Variants in FLRT2 observed in about 807,000 individuals in gnomAD.
FLRT2 encodes leucine-rich repeat transmembrane protein FLRT2.
A neutral mutation model predicts 40.0 loss-of-function variants in FLRT2; 15 were observed. The ratio of observed to expected loss-of-function variants is 0.38; its 90% CI spans 0.25 to 0.58. FLRT2 has a LOEUF of 0.58. Ranked by LOEUF, FLRT2 falls within the 20% of genes least tolerant of loss-of-function variation. The pLI, the probability that FLRT2 is intolerant of heterozygous loss-of-function variation, is 0.71. For missense variants in FLRT2, 726 were observed against 840.0 expected, an observed-to-expected ratio of 0.86 and a Z score of 1.68; for synonymous variants, 380 against 336.8, an observed-to-expected ratio of 1.13 and a Z score of -1.41.
At chr14:85,553,144 A>G (rs543131719) in intron 1 of FLRT2, among the ~76,000 whole-genome samples, 8 of 152,328 alleles carry the variant, frequency 5.3e-5, no homozygotes, top group Admixed American at 4.6e-4. Flanking sequence ...GAATATCTGC[A>G]TTAGTTATTG....
chr14:85,565,650 A>G (rs1209159425), intron 1 of FLRT2, among the ~76,000 whole-genome samples: 1 of 152,176 alleles, frequency 6.6e-6, no homozygotes, highest in African/African-American at 2.4e-5. Context: ...TTGGTTTTAA[A>G]ATACACATCG....
intron 1 of FLRT2, among the ~76,000 whole-genome samples, chr14:85,614,209 G>C (rs1455675605): frequency 6.6e-6 from 1 of 152,140 alleles, no homozygotes; most frequent in Admixed American, 6.5e-5. Flanking sequence ...TGGAAAAGCT[G>C]TTCAGGTCCT....
In FLRT2 at chr14:85,653,874, A is replaced by G. The variant is rs919261772; in HGVS notation, c.*30377A>G. The G allele has an allele frequency of 3.9e-5, 6 of 152,216 alleles. No individual in the cohort carries two copies. Among genetic ancestry groups the G allele is most frequent in the African/African-American group, 1.4e-4 (6 of 41,460 alleles). The allele number at this position is 152,216 out of a possible 1,614,324, so 9.4% of individuals were successfully genotyped here. A position where few individuals can be genotyped will look rare whatever the true frequency, so the allele number is the denominator to read the frequency against. ...CTTTCTAGAAATGAATGAAGAAAAC[A>G]TAGCAAAATTATACCTATTTTTTTA... is the stretch of plus-strand genomic sequence containing the variant. On this transcript the variant is annotated 3_prime_UTR_variant, in exon 2 of 2. Transcript: ENST00000330753.
chr14:85,567,766 G>A (rs1364097425), intron 1 of FLRT2, among the ~76,000 whole-genome samples: 2 of 149,454 alleles, frequency 1.3e-5, no homozygotes, highest in Non-Finnish European at 3.0e-5. Context: ...TCAGCCCTCC[G>A]AGTAGCTGGG....
rs926147715 is a variant in FLRT2, at chr14:85,645,475, C to T, written c.*21978C>T. On this transcript the variant is annotated 3_prime_UTR_variant, in exon 2 of 2. Coordinates refer to ENST00000330753, the MANE Select transcript of FLRT2 (RefSeq NM_013231.6). ...GAAACTATAGAGAAGAGGAAACTTC[C>T]AAGTGAGCAGGTCTTTGAATGGTAC... The T allele has an allele frequency of 1.3e-5, 2 of 152,030 alleles. No homozygotes were observed. Among genetic ancestry groups the T allele is most frequent in the African/African-American group, 4.8e-5 (2 of 41,398 alleles). The allele number at this position is 152,030 out of a possible 1,614,324, so 9.4% of individuals were successfully genotyped here.
rs1442214954 is a variant in FLRT2 at position 85,639,476 on chromosome 14, TAGA to T, written c.*15985_*15987del. 2.6e-5 allele frequency: 4 copies of T among 152,098 alleles called. No individual in the cohort carries two copies. The highest frequency in any genetic ancestry group is 5.9e-5 in the Non-Finnish European group (4 of 68,026). 9.4% of individuals were successfully genotyped at this position (152,098 alleles called of 1,614,324 possible). On this transcript the variant is annotated 3_prime_UTR_variant, in exon 2 of 2. Coordinates refer to ENST00000330753, the MANE Select transcript of FLRT2 (RefSeq NM_013231.6). ...CCACATTTACTTTCTACAATGCAAGTAGAAGAAGGGGCCCCACCAGTCATTCTG... is the reference window on the plus strand; with the variant it reads ...CCACATTTACTTTCTACAATGCAAGTAGAAGGGGCCCCACCAGTCATTCTG...
At chr14:85,599,931 C>T (rs1043388106) in intron 1 of FLRT2, among the ~76,000 whole-genome samples, 2 of 140,564 alleles carry the variant, frequency 1.4e-5, no homozygotes, top group Non-Finnish European at 3.3e-5. Context: ...TTGTCACAGG[C>T]AGTAGAAATA....
chr14:85,591,672 C>G (rs1891891288), intron 1 of FLRT2, among the ~76,000 whole-genome samples: 1 of 152,150 alleles, frequency 6.6e-6, no homozygotes, highest in Admixed American at 6.5e-5. Context: ...GACTGGGAAT[C>G]CCATCACCTC....
Position 85,622,647 on chromosome 14 carries a change from C to T in FLRT2, c.1133C>T (p.Ser378Phe), listed in dbSNP as rs1050408224. The part of the protein sequence containing the change: ...PLFTPAPSTA[S>F]PTTQPPTLSI... ...TTCACCCCAGCCCCAAGTACAGCTT[C>T]TCCGACCACTCAGCCTCCCACCCTC... Residue 378 changes from serine (S) to phenylalanine (F), a missense_variant, in exon 2 of 2, where the codon TCT (serine) becomes TTT (phenylalanine). Coordinates refer to ENST00000330753, the MANE Select transcript of FLRT2 (RefSeq NM_013231.6). The T allele has an allele frequency of 1.2e-6, 2 of 1,613,836 alleles. No homozygotes were observed. Among genetic ancestry groups the T allele is most frequent in the Non-Finnish European group, 1.7e-6 (2 of 1,180,016 alleles).
chr14:85,643,323 C>A lies in FLRT2; in HGVS notation c.*19826C>A, dbSNP rs1006149501. Reference sequence around the variant, plus strand: ...TCTTTCTTTCTTTCTTTCTTTCTTTCTTTCTTTCTTTCTTTCTTTCTTTCT... The same window carrying A: ...TCTTTCTTTCTTTCTTTCTTTCTTTATTTCTTTCTTTCTTTCTTTCTTTCT... On this transcript the variant is annotated 3_prime_UTR_variant, in exon 2 of 2. Transcript: ENST00000330753. 9.3e-4 allele frequency: 103 copies of A among 110,828 alleles called. 1 individual carries two copies. Among genetic ancestry groups the A allele is most frequent in the African/African-American group, 3.8e-3 (98 of 25,902 alleles). 6.9% of individuals were successfully genotyped at this position (110,828 alleles called of 1,614,324 possible).
rs570297164 is a variant in FLRT2, at chr14:85,574,809, C to T, written c.-377+44275C>T. Among the ~76,000 whole-genome samples, 16 of 152,296 alleles carry T rather than the reference C, an allele frequency of 1.1e-4. 1 individual carries two copies. The South Asian group carries it at 3.1e-3, about 30-fold the overall frequency. ...AGGTGTGTAAGAAATCTAAGACCTC[C>T]TCACTGGCCAATTTGTTGTCTTCAC... On this transcript the variant is annotated intron_variant, in intron 1 of 1. Coordinates refer to ENST00000330753, the MANE Select transcript of FLRT2 (RefSeq NM_013231.6).
chr14:85,609,536 T>C (rs1268920472), intron 1 of FLRT2, among the ~76,000 whole-genome samples: 1 of 152,240 alleles, frequency 6.6e-6, no homozygotes, highest in Non-Finnish European at 1.5e-5. Flanking sequence ...GGAATTTGTT[T>C]CATTTAGTCT....
At chr14:85,569,745 A>G (rs1890804191) in intron 1 of FLRT2, among the ~76,000 whole-genome samples, 1 of 152,242 alleles carries the variant, frequency 6.6e-6, no homozygotes, top group African/African-American at 2.4e-5. Context: ...TGATGAGACA[A>G]TAGCAGAATA....
chr14:85,585,822 A>T (rs1358810441), intron 1 of FLRT2, among the ~76,000 whole-genome samples: 1 of 152,126 alleles, frequency 6.6e-6, no homozygotes, highest in Admixed American at 6.6e-5. Flanking sequence ...CTAGGTGAAG[A>T]GCTGGGGAAC....
rs11627317 is a variant in FLRT2 at position 85,561,980 on chromosome 14, G to A, written c.-377+31446G>A. On this transcript the variant is annotated intron_variant, in intron 1 of 1. Coordinates refer to ENST00000330753, the MANE Select transcript of FLRT2 (RefSeq NM_013231.6). ...ATGTGACACTTCTGTCACTTCCATG[G>A]ACACATTCCCTCATTTCTTTTCTGT... Among the ~76,000 whole-genome samples the A allele has an allele frequency of 3.7e-3, 559 of 152,196 alleles. 6 individuals carry two copies. Among genetic ancestry groups the A allele is most frequent in the Non-Finnish European group, 6.4e-3 (438 of 68,018 alleles).
chr14:85,637,668 G>GAC lies in FLRT2; in HGVS notation c.*14171_*14172insAC. The GAC allele has an allele frequency of 6.6e-6, 1 of 152,234 alleles. No individual in the cohort carries two copies. Among genetic ancestry groups the GAC allele is most frequent in the Non-Finnish European group, 1.5e-5 (1 of 68,054 alleles). 9.4% of individuals were successfully genotyped at this position (152,234 alleles called of 1,614,324 possible). On this transcript the variant is annotated 3_prime_UTR_variant, in exon 2 of 2. Transcript: ENST00000330753. ...AGGGTGCCTTCTCATGTGATCAGGA[G>GAC]TGATGTAGCTTTGAGGGTGGACCCA...
intron 1 of FLRT2, among the ~76,000 whole-genome samples, chr14:85,581,130 G>T (rs1891367113): frequency 6.6e-6 from 1 of 152,152 alleles, no homozygotes; most frequent in Non-Finnish European, 1.5e-5. Context: ...GTTGACCACA[G>T]ATACCCTTGA....
chr14:85,531,398 G>T (rs1210929155), intron 1 of FLRT2, among the ~76,000 whole-genome samples: 1 of 152,218 alleles, frequency 6.6e-6, no homozygotes, highest in Non-Finnish European at 1.5e-5. Flanking sequence ...CCTCCGCCGC[G>T]CTGACCAGTA....
Position 85,632,662 on chromosome 14 carries a change from T to C in FLRT2, c.*9165T>C, listed in dbSNP as rs1212168120. On this transcript the variant is annotated 3_prime_UTR_variant, in exon 2 of 2. Transcript: ENST00000330753. ...AAGACAGTCATTATTCACTATGTCA[T>C]ATCCCATATAAAAATACAGCATATA... 1 of 152,118 alleles carries C rather than the reference T, an allele frequency of 6.6e-6. No homozygotes were observed. The highest frequency in any genetic ancestry group is 1.9e-4 in the East Asian group (1 of 5,190). The allele number at this position is 152,118 out of a possible 1,614,324, so 9.4% of individuals were successfully genotyped here. A position where few individuals can be genotyped will look rare whatever the true frequency, so the allele number is the denominator to read the frequency against.
Sources: allele counts gnomAD v4.1 joint callset (sites outside exome capture counted in the v4.1 genomes callset), GRCh38; gene constraint gnomAD v4.1.1; transcripts MANE v1.5; gene names NCBI Gene and HGNC (gene_info 2026-07-23, HGNC 2026-07-21).